The following RPH3A variants were observed in gnomAD, a reference collection of about 807,000 sequenced individuals.
RPH3A encodes the protein rabphilin 3A.
A neutral mutation model predicts 102.2 loss-of-function variants in RPH3A; 48 were observed. The observed-to-expected ratio is 0.47, with a 90% CI of 0.37 to 0.60. RPH3A has a LOEUF of 0.60. Among genes scored for constraint, RPH3A ranks in the 20% least tolerant of loss-of-function variants. The pLI, the probability that RPH3A is intolerant of heterozygous loss-of-function variation, is 0.00. For synonymous variants in RPH3A, 310 were observed against 324.3 expected (o/e 0.96, Z 0.47); for missense variants, 781 against 910.1 (o/e 0.86, Z 1.83).
At chr12:112,787,253 G>A (rs188039759), upstream of RPH3A, among the ~76,000 whole-genome samples, 2 of 152,278 alleles carry the variant, frequency 1.3e-5, no homozygotes, top group East Asian at 3.9e-4. Context: ...AACCCCTTTT[G>A]GGGATGAAAA....
intron 6 of RPH3A, 109 bp downstream of exon 6, chr12:112,865,652 G>GGC: frequency 8.2e-7 from 1 of 1,212,630 alleles, no homozygotes; most frequent in Non-Finnish European, 1.1e-6. Flanking sequence ...CTTGGATCCT[G>GGC]AAGATCACTT....
At chr12:112,735,058 T>C (rs1289179309) in intron 1 of RPH3A, among the ~76,000 whole-genome samples, 1 of 152,036 alleles carries the variant, frequency 6.6e-6, no homozygotes, top group East Asian at 1.9e-4. Context: ...CAAGATGGAG[T>C]CACTCTGGTT....
chr12:112,610,690 G>A (rs2039633187), intron 1 of RPH3A, among the ~76,000 whole-genome samples: 1 of 151,926 alleles, frequency 6.6e-6, no homozygotes, highest in East Asian at 1.9e-4. Context: ...GGAGTGCAGT[G>A]GCATGATCTT....
intron 1 of RPH3A, among the ~76,000 whole-genome samples, chr12:112,634,840 A>C (rs1029523073): frequency 6.6e-6 from 1 of 152,234 alleles, no homozygotes; most frequent in Non-Finnish European, 1.5e-5. Flanking sequence ...CACTTGCTCC[A>C]ATCCCTGTCT....
At chr12:112,888,310 T>G (rs1426025921) in intron 17 of RPH3A, among the ~76,000 whole-genome samples, 1 of 152,270 alleles carries the variant, frequency 6.6e-6, no homozygotes, top group African/African-American at 2.4e-5. Context: ...TACCTGCCTC[T>G]TGGGAGGGTT....
intron 1 of RPH3A, among the ~76,000 whole-genome samples, chr12:112,680,817 C>T (rs1341747133): frequency 6.6e-6 from 1 of 152,180 alleles, no homozygotes; most frequent in African/African-American, 2.4e-5. Context: ...TAGCATCCTG[C>T]ACCATCATTT....
At chr12:112,645,222 T>A (rs1432421134) in intron 1 of RPH3A, among the ~76,000 whole-genome samples, 1 of 152,128 alleles carries the variant, frequency 6.6e-6, no homozygotes, top group Non-Finnish European at 1.5e-5. Flanking sequence ...TCACACCACA[T>A]GCCACCCTGG....
chr12:112,640,676 C>T (rs1226338402), intron 1 of RPH3A, among the ~76,000 whole-genome samples: 1 of 152,148 alleles, frequency 6.6e-6, no homozygotes, highest in Non-Finnish European at 1.5e-5. Context: ...GGAAGTTCTG[C>T]AGAGGTAGGG....
intron 1 of RPH3A, among the ~76,000 whole-genome samples, chr12:112,709,101 G>A (rs764116267): frequency 2.0e-5 from 3 of 152,172 alleles, no homozygotes; most frequent in Admixed American, 6.5e-5. Context: ...TGATGGGTGT[G>A]TATGGCAAAG....
At chr12:112,619,913 G>A (rs552455669) in intron 1 of RPH3A, among the ~76,000 whole-genome samples, 9 of 151,952 alleles carry the variant, frequency 5.9e-5, no homozygotes, top group South Asian at 2.1e-4. Flanking sequence ...TATTTTTTCC[G>A]AGTTACCAAA....
chr12:112,821,126 G>GA (rs1413425872), intron 2 of RPH3A, among the ~76,000 whole-genome samples: 1 of 152,190 alleles, frequency 6.6e-6, no homozygotes, highest in Non-Finnish European at 1.5e-5. Flanking sequence ...AGTCCCATGA[G>GA]AGAAGGCAGG....
chr12:112,647,605 ATGTGTGTGTG>A (rs34686040), intron 1 of RPH3A, among the ~76,000 whole-genome samples: 1 of 149,590 alleles, frequency 6.7e-6, no homozygotes, highest in Non-Finnish European at 1.5e-5. Context: ...GTGTGTGTGT[ATGTGTGTGTG>A]TGTGTGTGTG....
intron 5 of RPH3A, among the ~76,000 whole-genome samples, chr12:112,858,823 C>G (rs1040297722): frequency 7.9e-5 from 12 of 152,176 alleles, no homozygotes; most frequent in African/African-American, 2.9e-4. Flanking sequence ...CAGAGGCCAT[C>G]CATTGGTGCC....
At chr12:112,812,583 C>T (rs182771950) in intron 2 of RPH3A, among the ~76,000 whole-genome samples, 36 of 152,290 alleles carry the variant, frequency 2.4e-4, no homozygotes, top group Admixed American at 3.9e-4. Context: ...ATGAATCTCA[C>T]GGAGAAGAGT....
chr12:112,654,668 C>T (rs1487862030), intron 1 of RPH3A, among the ~76,000 whole-genome samples: 1 of 152,172 alleles, frequency 6.6e-6, no homozygotes, highest in Non-Finnish European at 1.5e-5. Flanking sequence ...CAGCAAGGTT[C>T]TTGGTGCAGT....
intron 1 of RPH3A, among the ~76,000 whole-genome samples, chr12:112,639,382 A>C (rs1285610895): frequency 1.3e-5 from 2 of 152,196 alleles, no homozygotes; most frequent in Non-Finnish European, 1.5e-5. Flanking sequence ...TATCCTTAGC[A>C]ACTAACACAG....
chr12:112,752,152 C>A (rs1203412840), intron 1 of RPH3A, among the ~76,000 whole-genome samples: 1 of 152,068 alleles, frequency 6.6e-6, no homozygotes, highest in Non-Finnish European at 1.5e-5. Context: ...CAGAAAATCC[C>A]AATCTTTTAT....
At chr12:112,798,382 A>C (rs73427009) in intron 2 of RPH3A, among the ~76,000 whole-genome samples, 9,177 of 152,010 alleles carry the variant, frequency 0.06, 941 homozygotes, top group African/African-American at 0.21. Flanking sequence ...ATTCAGCTGC[A>C]TTTTTCTTTC....
intron 2 of RPH3A, among the ~76,000 whole-genome samples, chr12:112,803,513 C>G (rs2041396822): frequency 6.7e-6 from 1 of 150,080 alleles, no homozygotes. Context: ...ATTATTATTA[C>G]AATTTTGCAG....
Sources: allele counts gnomAD v4.1 joint callset (sites outside exome capture counted in the v4.1 genomes callset), GRCh38; gene constraint gnomAD v4.1.1; transcripts MANE v1.5; gene names NCBI Gene and HGNC (gene_info 2026-07-23, HGNC 2026-07-21).